Variants in LDAH observed in about 807,000 individuals in gnomAD.
LDAH encodes the protein lipid droplet-associated hydrolase.
Under a neutral mutation model 29.6 loss-of-function variants are expected in LDAH, and 26 were observed. The ratio of observed to expected loss-of-function variants is 0.88; its 90% CI spans 0.64 to 1.22. LDAH has a LOEUF of 1.22. LDAH is among the 50% of genes most tolerant of loss of function. The pLI is 0.00. For synonymous variants in LDAH, 117 were observed against 133.0 expected, an observed-to-expected ratio of 0.88 and a Z score of 0.83; for missense variants, 344 against 387.3, an observed-to-expected ratio of 0.89 and a Z score of 0.94.
chr2:20,800,785 C>T (rs1295174419), intron 2 of LDAH, among the ~76,000 whole-genome samples: 2 of 152,102 alleles, frequency 1.3e-5, no homozygotes, highest in Admixed American at 6.5e-5. Context: ...AGGCATGTGC[C>T]ACCACGCCCA....
At chr2:20,770,285 G>A (rs1451129403) in intron 4 of LDAH, among the ~76,000 whole-genome samples, 1 of 152,052 alleles carries the variant, frequency 6.6e-6, no homozygotes, top group African/African-American at 2.4e-5. Flanking sequence ...GAAGACAAAG[G>A]AAACTCTGTG....
chr2:20,822,663 A>G (rs1274627492), intron 1 of LDAH, among the ~76,000 whole-genome samples: 1 of 152,186 alleles, frequency 6.6e-6, no homozygotes, highest in African/African-American at 2.4e-5. Flanking sequence ...GGGGGCAAAG[A>G]ACACTCCCGG....
intron 1 of LDAH, among the ~76,000 whole-genome samples, chr2:20,813,017 A>G (rs1320417967): frequency 6.6e-6 from 1 of 152,232 alleles, no homozygotes; most frequent in Non-Finnish European, 1.5e-5. Context: ...TAAGTTGTAA[A>G]GTGGCAGAGT....
At chr2:20,740,335 G>A (rs780499867) in intron 4 of LDAH, 130 bp from the exon 5 acceptor site, 285 of 665,290 alleles carry the variant, frequency 4.3e-4, no homozygotes, top group Non-Finnish European at 6.3e-4. Context: ...AGAGTGAGAA[G>A]AACCACCACT....
chr2:20,812,597 G>C (rs911213789), intron 1 of LDAH, among the ~76,000 whole-genome samples: 2 of 152,080 alleles, frequency 1.3e-5, no homozygotes, highest in Non-Finnish European at 2.9e-5. Flanking sequence ...TAATTCAAAA[G>C]CTTCTTTGGC....
chr2:20,696,126 C>G (rs1215000819), intron 6 of LDAH, among the ~76,000 whole-genome samples: 2 of 152,242 alleles, frequency 1.3e-5, no homozygotes, highest in African/African-American at 4.8e-5. Context: ...AGAACTAACA[C>G]AATCCGTTTC....
intron 1 of LDAH, among the ~76,000 whole-genome samples, chr2:20,822,432 G>C (rs173121): frequency 0.16 from 24,256 of 152,108 alleles, 4,729 homozygotes; most frequent in African/African-American, 0.47. Context: ...CGTGAGCCAC[G>C]GCGCCCGGCC....
At chr2:20,721,027 G>T (rs1572474498) in intron 5 of LDAH, among the ~76,000 whole-genome samples, 1 of 152,064 alleles carries the variant, frequency 6.6e-6, no homozygotes, top group African/African-American at 2.4e-5. Context: ...ACTACTAAAA[G>T]AAAACATTAG....
At position 20,684,970 on chromosome 2, in the gene LDAH, GAC is replaced by G; in HGVS notation, c.*1931_*1932del. ...AGGTGGCTTTTCACTTTAAAAGAGA[GAC>G]TTTGAGCCGAGTCTAACTCAGGAGA... On this transcript the variant is annotated 3_prime_UTR_variant, in exon 7 of 7. Coordinates refer to ENST00000237822, the MANE Select transcript of LDAH (RefSeq NM_021925.4). 1.3e-6 allele frequency: 2 copies of G among 1,547,234 alleles called. No individual in the cohort carries two copies. Among genetic ancestry groups the G allele is most frequent in the Non-Finnish European group, 1.7e-6 (2 of 1,145,634 alleles).
chr2:20,818,143 A>G (rs1437869005), intron 1 of LDAH, among the ~76,000 whole-genome samples: 1 of 152,140 alleles, frequency 6.6e-6, no homozygotes, highest in African/African-American at 2.4e-5. Flanking sequence ...ATCAATGTCA[A>G]TTTCCCAGTT....
intron 5 of LDAH, among the ~76,000 whole-genome samples, chr2:20,723,341 G>A (rs1350381195): frequency 6.6e-6 from 1 of 152,004 alleles, no homozygotes; most frequent in Non-Finnish European, 1.5e-5. Flanking sequence ...AGCATAAGGG[G>A]GTCTTCTGAG....
At position 20,760,102 on chromosome 2, in the gene LDAH, C is replaced by CT. The variant is rs761754611; in HGVS notation, c.468+14707dup. On this transcript the variant is annotated intron_variant, in intron 4 of 6. Coordinates refer to ENST00000237822, the MANE Select transcript of LDAH (RefSeq NM_021925.4). ...CATGCTTATCAACAACCCAAATTAT[C>CT]TTTTTTTTGAGGTGGGGAGAGAAGT... Among the ~76,000 whole-genome samples the CT allele has an allele frequency of 1.1e-3, 166 of 152,040 alleles. 2 individuals carry two copies. Among genetic ancestry groups the CT allele is most frequent in the African/African-American group, 3.9e-3 (162 of 41,480 alleles).
Position 20,740,168 on chromosome 2 carries a change from C to A in LDAH, c.506G>T (p.Arg169Leu), listed in dbSNP as rs148350771. The change falls in exon 5 of 7, where the codon CGA becomes CTA. Residue 169 changes from arginine to leucine, a missense_variant. Coordinates refer to ENST00000237822, the MANE Select transcript of LDAH (RefSeq NM_021925.4). The part of the protein sequence containing the change: ...RAFLLFPTIE[R>L]MSESPNGRIA... ...TCTGCCATTGGGTGACTCAGACATT[C>A]GTTCAATTGTTGGAAAGAGCAGAAA... 77 of 1,613,992 alleles carry A rather than the reference C, an allele frequency of 4.8e-5. 2 individuals carry two copies. The highest frequency in any genetic ancestry group is 2.3e-4 in the Admixed American group (14 of 60,010).
intron 6 of LDAH, among the ~76,000 whole-genome samples, chr2:20,700,676 T>C (rs1467301038): frequency 6.6e-6 from 1 of 152,170 alleles, no homozygotes; most frequent in Non-Finnish European, 1.5e-5. Flanking sequence ...AAGGTACATA[T>C]GCAATTTTAG....
intron 4 of LDAH, among the ~76,000 whole-genome samples, chr2:20,741,963 T>A (rs1667206882): frequency 1.3e-5 from 2 of 152,204 alleles, no homozygotes; most frequent in African/African-American, 4.8e-5. Context: ...TAATTTTATT[T>A]TATGGCACGA....
intron 4 of LDAH, among the ~76,000 whole-genome samples, chr2:20,752,617 T>G (rs956921272): frequency 1.3e-5 from 2 of 151,964 alleles, no homozygotes; most frequent in African/African-American, 4.8e-5. Flanking sequence ...CGTACTGAAA[T>G]AGCGATCAAG....
intron 5 of LDAH, among the ~76,000 whole-genome samples, chr2:20,730,093 T>C (rs531220522): frequency 1.3e-5 from 2 of 152,354 alleles, no homozygotes; most frequent in African/African-American, 4.8e-5. Flanking sequence ...TTTTTTTCAC[T>C]GAGCATAATT....
chr2:20,693,247 C>T (rs1210161711), intron 6 of LDAH, among the ~76,000 whole-genome samples: 2 of 137,114 alleles, frequency 1.5e-5, no homozygotes, highest in African/African-American at 2.8e-5. Flanking sequence ...GGGAGCTCCT[C>T]GACACAGACT....
intron 1 of LDAH, among the ~76,000 whole-genome samples, chr2:20,822,281 C>T (rs960478194): frequency 1.3e-5 from 2 of 152,108 alleles, no homozygotes; most frequent in African/African-American, 4.8e-5. Context: ...CCCGCCACCA[C>T]GCCCGGCTAA....
Sources: allele counts gnomAD v4.1 joint callset (sites outside exome capture counted in the v4.1 genomes callset), GRCh38; gene constraint gnomAD v4.1.1; transcripts MANE v1.5; gene names NCBI Gene and HGNC (gene_info 2026-07-23, HGNC 2026-07-21).